The following SWAP70 variants were observed in gnomAD, a reference collection of about 807,000 sequenced individuals.
SWAP70 encodes switch-associated protein 70.
Under a neutral mutation model 80.2 loss-of-function variants are expected in SWAP70, and 34 were observed. The observed-to-expected ratio is 0.42, with a 90% confidence interval of 0.32 to 0.56. The LOEUF (loss-of-function observed/expected upper bound fraction) is 0.56. Ranked by LOEUF, SWAP70 falls within the 20% of genes least tolerant of loss-of-function variation. The pLI is 0.09. For missense variants in SWAP70, 578 were observed against 690.7 expected (o/e 0.84, Z 1.83); for synonymous variants, 239 against 238.5 (o/e 1.00, Z -0.02).
intron 11 of SWAP70, 42 bp from the exon 12 acceptor site, chr11:9,749,822 G>T (rs1324636499): frequency 3.1e-6 from 4 of 1,297,774 alleles, no homozygotes; most frequent in East Asian, 4.6e-5. Context: ...GTATCCTGAA[G>T]AATATAATAC....
intron 2 of SWAP70, among the ~76,000 whole-genome samples, chr11:9,700,512 G>A (rs1850817546): frequency 6.6e-6 from 1 of 152,212 alleles, no homozygotes; most frequent in South Asian, 2.1e-4. Flanking sequence ...TGCAAGGTAT[G>A]CTGTCATGTA....
Position 9,664,079 on chromosome 11 carries a change from G to T in SWAP70, c.-101G>T. The T allele has an allele frequency of 5.0e-6, 6 of 1,189,896 alleles. No homozygotes were observed. The highest frequency in any genetic ancestry group is 6.8e-6 in the Non-Finnish European group (6 of 887,292). 73.7% of individuals were successfully genotyped at this position (1,189,896 alleles called of 1,614,324 possible). On this transcript the variant is annotated 5_prime_UTR_variant, in exon 1 of 12. Transcript: ENST00000318950. ...GCGGGGGCGGGGCCTGGCGGGTCAG[G>T]TGACTGCGCGGCGGGCTGTGGCTGC...
intron 3 of SWAP70, 110 bp downstream of exon 3, chr11:9,713,749 G>A: frequency 7.7e-7 from 1 of 1,301,996 alleles, no homozygotes; most frequent in Non-Finnish European, 1.1e-6. Context: ...TCCTTGGCTA[G>A]TGTTTTTGGA....
intron 1 of SWAP70, among the ~76,000 whole-genome samples, chr11:9,680,223 G>T (rs937403898): frequency 6.6e-6 from 1 of 152,208 alleles, no homozygotes; most frequent in South Asian, 2.1e-4. Context: ...CCACAATGAC[G>T]CAATATATAA....
At chr11:9,695,659 C>T (rs752376258) in intron 2 of SWAP70, among the ~76,000 whole-genome samples, 2 of 151,666 alleles carry the variant, frequency 1.3e-5, no homozygotes, top group Non-Finnish European at 2.9e-5. Flanking sequence ...GAGGATAGGT[C>T]AATAGGTGCA....
chr11:9,693,250 A>G (rs1198845328), intron 1 of SWAP70, among the ~76,000 whole-genome samples: 3 of 152,244 alleles, frequency 2.0e-5, no homozygotes, highest in Non-Finnish European at 2.9e-5. Flanking sequence ...TTCAGAAAGC[A>G]CAAATGAAAT....
chr11:9,732,019 TA>T (rs1331644338), intron 6 of SWAP70, among the ~76,000 whole-genome samples: 10 of 152,244 alleles, frequency 6.6e-5, no homozygotes, highest in African/African-American at 1.9e-4. Flanking sequence ...CAGCTGCTGT[TA>T]CCTGTTATCT....
rs1430748010 is a variant in SWAP70, at chr11:9,728,110, C to T, written c.700C>T (p.Leu234=). 4 of 1,612,888 alleles carry T rather than the reference C, an allele frequency of 2.5e-6. No homozygotes were observed. The highest frequency in any genetic ancestry group is 1.3e-5 in the African/African-American group (1 of 74,754). The change falls in exon 5 of 12, where the codon CTA becomes TTA. Residue 234 remains leucine (L), a synonymous_variant. Transcript: ENST00000318950. ...AAACTGGACTGAAAGATGGTTTGTA[C>T]TAAAACCCAACATAATTTCTTACTA... is the stretch of plus-strand genomic sequence containing the variant. ...RKNWTERWFV[L]KPNIISYYVS... is the part of the protein sequence containing the mutation.
chr11:9,702,244 C>A (rs530421154), intron 2 of SWAP70, among the ~76,000 whole-genome samples: 9 of 152,264 alleles, frequency 5.9e-5, no homozygotes, highest in African/African-American at 2.2e-4. Context: ...CCCTTCAGTG[C>A]TCAAAGCACT....
intron 1 of SWAP70, among the ~76,000 whole-genome samples, chr11:9,688,451 CA>C (rs2134441856): frequency 6.6e-6 from 1 of 152,146 alleles, no homozygotes; most frequent in South Asian, 2.1e-4. Context: ...AGCAAGGGCC[CA>C]GGGGAGAAAG....
At chr11:9,671,421 A>ATATATAAATATATAAAAATATATTTAT in intron 1 of SWAP70, among the ~76,000 whole-genome samples, 1 of 86,362 alleles carries the variant, frequency 1.2e-5, no homozygotes, top group South Asian at 4.1e-4. Flanking sequence ...TATATTTATA[A>ATATATAAATATATAAAAATATATTTAT]ATATATATAT....
chr11:9,678,474 T>A (rs2134430021), intron 1 of SWAP70, among the ~76,000 whole-genome samples: 1 of 148,902 alleles, frequency 6.7e-6, no homozygotes, highest in South Asian at 2.1e-4. Flanking sequence ...CTTGGACATT[T>A]TTATGTTTTT....
At chr11:9,721,386 A>G (rs1590037551) in intron 3 of SWAP70, among the ~76,000 whole-genome samples, 3 of 152,110 alleles carry the variant, frequency 2.0e-5, no homozygotes, top group African/African-American at 7.2e-5. Flanking sequence ...TTTTTAGGGT[A>G]TAAGATAAAT....
intron 2 of SWAP70, among the ~76,000 whole-genome samples, chr11:9,696,908 G>A (rs1372468308): frequency 7.3e-5 from 11 of 151,720 alleles, no homozygotes; most frequent in East Asian, 3.9e-4. Flanking sequence ...TAATACTTTC[G>A]AATTAAAAGT....
At chr11:9,709,851 G>C (rs553280431) in intron 2 of SWAP70, among the ~76,000 whole-genome samples, 3 of 152,104 alleles carry the variant, frequency 2.0e-5, no homozygotes, top group African/African-American at 4.8e-5. Context: ...TGACTGGAAG[G>C]CTTACCAATA....
At chr11:9,745,198 G>A (rs1034133877) in intron 9 of SWAP70, among the ~76,000 whole-genome samples, 6 of 152,176 alleles carry the variant, frequency 3.9e-5, no homozygotes, top group Non-Finnish European at 7.3e-5. Flanking sequence ...TTTGATTCCT[G>A]GCTCTGGTAC....
At chr11:9,665,308 T>G (rs557371105) in intron 1 of SWAP70, among the ~76,000 whole-genome samples, 1 of 152,360 alleles carries the variant, frequency 6.6e-6, no homozygotes, top group African/African-American at 2.4e-5. Flanking sequence ...TCTCCTTGTC[T>G]TCCTTTTGCC....
At chr11:9,707,168 A>G (rs1215182392) in intron 2 of SWAP70, among the ~76,000 whole-genome samples, 1 of 152,218 alleles carries the variant, frequency 6.6e-6, no homozygotes, top group Admixed American at 6.5e-5. Flanking sequence ...AAAAACTGGT[A>G]AAAATATATA....
chr11:9,688,565 T>A (rs1361543192), intron 1 of SWAP70, among the ~76,000 whole-genome samples: 1 of 152,176 alleles, frequency 6.6e-6, no homozygotes, highest in African/African-American at 2.4e-5. Flanking sequence ...TGAAGTGGGC[T>A]GGCCTGTGGA....
Sources: allele counts gnomAD v4.1 joint callset (sites outside exome capture counted in the v4.1 genomes callset), GRCh38; gene constraint gnomAD v4.1.1; transcripts MANE v1.5; gene names NCBI Gene and HGNC (gene_info 2026-07-23, HGNC 2026-07-21).